NFIB: variants seen among roughly 807,000 people sequenced by gnomAD.
The protein encoded by NFIB is nuclear factor 1 B-type.
Under a neutral mutation model 61.5 loss-of-function variants are expected in NFIB, and 11 were observed. That is an observed-to-expected ratio of 0.18 (90% CI 0.11 to 0.30). The LOEUF (loss-of-function observed/expected upper bound fraction) is 0.30. Among genes scored for constraint, NFIB ranks in the 10% least tolerant of loss-of-function variants. The pLI is 1.00. For synonymous variants in NFIB, 260 were observed against 216.5 expected (o/e 1.20, Z -1.76); for missense variants, 471 against 608.9 (o/e 0.77, Z 2.38).
chr9:14,427,439 G>C, the NFIB span, among the ~76,000 whole-genome samples: 5 of 152,186 alleles, frequency 3.3e-5, no homozygotes, highest in African/African-American at 7.2e-5. Context: ...AGGTACAGAG[G>C]GGCCAAGTAA....
the NFIB span, among the ~76,000 whole-genome samples, chr9:14,427,950 T>TTTTTTTG: frequency 2.0e-4 from 21 of 105,272 alleles, no homozygotes; most frequent in African/African-American, 6.6e-4. Context: ...TTTTTTTTTT[T>TTTTTTTG]TTTTTTTTTT....
Position 14,161,003 on chromosome 9 carries a change from T to C in NFIB, c.617-5110A>G, listed in dbSNP as rs1343590566. 2.6e-5 allele frequency among the ~76,000 whole-genome samples: 4 copies of C among 152,132 alleles called. No individual in the cohort carries two copies. The East Asian group carries it at 7.7e-4, about 29-fold the overall frequency. ...CATCTATAGGCATTTTCCAGCCCTA[T>C]GATTGCAATTGTTCACTTTCTTCAA... On this transcript the variant is annotated intron_variant, in intron 3 of 10. Coordinates refer to ENST00000380953, the MANE Select transcript of NFIB (RefSeq NM_001190737.2).
rs186503792 is a variant in NFIB, at chr9:14,211,603, T to G, written c.563-31823A>C. Among the ~76,000 whole-genome samples, 223 of 152,250 alleles carry G rather than the reference T, an allele frequency of 1.5e-3. 4 individuals carry two copies. The Middle Eastern group carries it at 0.034, about 23-fold the overall frequency. On this transcript the variant is annotated intron_variant, in intron 2 of 10. Coordinates refer to ENST00000380953, the MANE Select transcript of NFIB (RefSeq NM_001190737.2). ...TGCAATTTGAATCCAGAAGACAGAA[T>G]CCAGAGCCAGGGACAAAACAAGTCA...
At chr9:14,498,808 TTCCTCCCTTCCTC>T in the NFIB span, among the ~76,000 whole-genome samples, 2 of 54,094 alleles carry the variant, frequency 3.7e-5, no homozygotes, top group African/African-American at 2.3e-4. Flanking sequence ...CCTTCCTCCC[TTCCTCCCTTCCTC>T]CCTTCCTCCC....
intron 1 of NFIB, among the ~76,000 whole-genome samples, chr9:14,373,175 A>C (rs2061378547): frequency 6.6e-6 from 1 of 152,228 alleles, no homozygotes; most frequent in South Asian, 2.1e-4. Flanking sequence ...CACCTTGAAT[A>C]AGAGGACAGA....
At chr9:14,189,301 T>C (rs1194790159) in intron 2 of NFIB, among the ~76,000 whole-genome samples, 1 of 152,204 alleles carries the variant, frequency 6.6e-6, no homozygotes, top group Non-Finnish European at 1.5e-5. Flanking sequence ...GGACATGTTC[T>C]CTCCAAACTG....
intron 1 of NFIB, among the ~76,000 whole-genome samples, chr9:14,319,637 T>C (rs540357955): frequency 6.6e-6 from 1 of 152,336 alleles, no homozygotes; most frequent in African/African-American, 2.4e-5. Context: ...TACACATGCC[T>C]TGTAACATAG....
At chr9:14,438,279 T>C in the NFIB span, among the ~76,000 whole-genome samples, 1 of 152,180 alleles carries the variant, frequency 6.6e-6, no homozygotes, top group Non-Finnish European at 1.5e-5. Context: ...CAGGTCCAGA[T>C]TTCAAGCTTC....
chr9:14,514,319 T>TACGTACACAC, the NFIB span, among the ~76,000 whole-genome samples: 3 of 52,672 alleles, frequency 5.7e-5, no homozygotes, highest in Non-Finnish European at 1.5e-4. Flanking sequence ...TACACATACA[T>TACGTACACAC]ACATACATAC....
intron 2 of NFIB, among the ~76,000 whole-genome samples, chr9:14,280,867 G>C (rs774527750): frequency 6.6e-6 from 1 of 152,056 alleles, no homozygotes; most frequent in Non-Finnish European, 1.5e-5. Context: ...GGAAGACTAG[G>C]ATTCTTTTAT....
At chr9:14,231,116 TG>T (rs111537594) in intron 2 of NFIB, among the ~76,000 whole-genome samples, 4,997 of 39,116 alleles carry the variant, frequency 0.13, 525 homozygotes, top group East Asian at 0.57. Flanking sequence ...AGTTTTTCCA[TG>T]GGGAAAAAAA....
intron 1 of NFIB, among the ~76,000 whole-genome samples, chr9:14,348,217 A>G (rs1239919886): frequency 6.6e-6 from 1 of 152,172 alleles, no homozygotes; most frequent in Non-Finnish European, 1.5e-5. Context: ...GCATAATTCA[A>G]TTATATCATA....
In NFIB at chr9:14,313,594, C is replaced by A. The variant is rs376112364; in HGVS notation, c.-83G>T. 28 of 1,608,220 alleles carry A rather than the reference C, an allele frequency of 1.7e-5. No homozygotes were observed. Among genetic ancestry groups the A allele is most frequent in the Non-Finnish European group, 2.3e-5 (27 of 1,177,226 alleles). Reference sequence around the variant, plus strand: ...GAATTTCATCTATTCATTTTACAGTCATCTGAGCCCCGCGATGCGATCAAT... The same window carrying A: ...GAATTTCATCTATTCATTTTACAGTAATCTGAGCCCCGCGATGCGATCAAT... On this transcript the variant is annotated 5_prime_UTR_variant, in exon 1 of 11. The change abolishes an upstream ATG in the 5' untranslated region. Transcript: ENST00000380953. This position sits in a 1 kb window ranked among gnomAD's most constrained non-coding sequence, Gnocchi z 4.5.
the NFIB span, among the ~76,000 whole-genome samples, chr9:14,477,134 C>A: frequency 1.3e-5 from 2 of 152,138 alleles, no homozygotes; most frequent in Non-Finnish European, 2.9e-5. Flanking sequence ...GCAACCAGTT[C>A]CCCATATGAC....
At chr9:14,420,733 C>T in the NFIB span, among the ~76,000 whole-genome samples, 1 of 152,072 alleles carries the variant, frequency 6.6e-6, no homozygotes, top group East Asian at 1.9e-4. Flanking sequence ...CAAGATTTGG[C>T]CACTTCATCA....
chr9:14,120,848 T>C lies in NFIB; in HGVS notation c.1061-224A>G, dbSNP rs939295229. ...AAACATCACTCTAGAAAATTAACAATCTTGCTTCCTGGCTCTGTGAGTGGT... is the reference window on the plus strand; with the variant it reads ...AAACATCACTCTAGAAAATTAACAACCTTGCTTCCTGGCTCTGTGAGTGGT... On this transcript the variant is annotated intron_variant, in intron 7 of 10. Transcript: ENST00000380953. This position sits in a 1 kb window ranked among gnomAD's most constrained non-coding sequence, Gnocchi z 4.4. 3.9e-5 allele frequency among the ~76,000 whole-genome samples: 6 copies of C among 152,218 alleles called. No homozygotes were observed. Among genetic ancestry groups the C allele is most frequent in the African/African-American group, 1.4e-4 (6 of 41,450 alleles).
intron 7 of NFIB, among the ~76,000 whole-genome samples, chr9:14,123,169 A>G (rs1250628373): frequency 2.0e-5 from 3 of 151,580 alleles, no homozygotes; most frequent in Non-Finnish European, 4.4e-5. Context: ...AGGCAGGAGA[A>G]TTGCTTGAAC....
intron 1 of NFIB, among the ~76,000 whole-genome samples, chr9:14,397,089 A>G (rs2133046034): frequency 6.6e-6 from 1 of 152,320 alleles, no homozygotes; most frequent in East Asian, 1.9e-4. Context: ...ATTTATGTCC[A>G]ATTCTCTCTC....
intron 2 of NFIB, among the ~76,000 whole-genome samples, chr9:14,277,970 T>A (rs964723881): frequency 6.6e-6 from 1 of 152,154 alleles, no homozygotes; most frequent in African/African-American, 2.4e-5. Context: ...GATGTTTCTG[T>A]CTCCTGTGAT....
Sources: allele counts gnomAD v4.1 joint callset (sites outside exome capture counted in the v4.1 genomes callset), GRCh38; gene constraint gnomAD v4.1.1; non-coding constraint Gnocchi (gnomAD v3.1); transcripts MANE v1.5; gene names NCBI Gene and HGNC (gene_info 2026-07-23, HGNC 2026-07-21).